ARMC6: variants seen among roughly 807,000 people sequenced by gnomAD.
ARMC6 encodes the protein armadillo repeat-containing protein 6.
In ARMC6, 43 loss-of-function variants were observed where a neutral mutation model predicts 49.2. That is an observed-to-expected ratio of 0.87 (90% CI 0.69 to 1.13). The LOEUF is 1.13. Among genes scored for constraint, ARMC6 ranks in the 50% most tolerant of loss-of-function variants. ARMC6 has a pLI of 0.00. For synonymous variants in ARMC6, 262 were observed against 289.6 expected (o/e 0.90, Z 0.97); for missense variants, 627 against 682.0 (o/e 0.92, Z 0.90).
chr19:19,037,487 C>T, intron 2 of ARMC6: 1 of 419,244 alleles, frequency 2.4e-6, no homozygotes, highest in Non-Finnish European at 4.5e-6. Context: ...CCACCTCAGC[C>T]TCCCAAATAG....
chr19:19,042,989 G>T (rs1231618821), intron 3 of ARMC6, 112 bp downstream of exon 3: 3 of 1,309,020 alleles, frequency 2.3e-6, no homozygotes, highest in Non-Finnish European at 3.0e-6. Context: ...ATAGAAACCA[G>T]GTGCCATTGG....
At chr19:19,043,946 A>T in intron 3 of ARMC6, 46 bp from the exon 4 acceptor site, 1 of 1,569,938 alleles carries the variant, frequency 6.4e-7, no homozygotes, top group Non-Finnish European at 8.8e-7. Context: ...GACAGCTGTC[A>T]CTTTCTTTCT....
At position 19,051,771 on chromosome 19, in the gene ARMC6, C is replaced by G. The variant is rs1263346324; in HGVS notation, c.429C>G (p.Ala143=). 3 of 1,614,088 alleles carry G rather than the reference C, an allele frequency of 1.9e-6. No homozygotes were observed. The highest frequency in any genetic ancestry group is 1.7e-6 in the Non-Finnish European group (2 of 1,180,040). ...QKGAYPIIFT[A]WKLATAGDQG... ...GGGCCTACCCCATCATCTTCACTGC[C>G]TGGAAGCTGGCCACTGCAGGTGACC... The change falls in exon 5 of 9, where the codon GCC becomes GCG. Residue 143 remains alanine, a synonymous_variant. Coordinates refer to ENST00000535612, the MANE Select transcript of ARMC6 (RefSeq NM_001199196.2).
chr19:19,052,198 A>G lies in ARMC6; in HGVS notation c.853+3A>G, dbSNP rs745985627. 48 of 1,588,330 alleles carry G rather than the reference A, an allele frequency of 3.0e-5. No individual in the cohort carries two copies. Among genetic ancestry groups the G allele is most frequent in the Admixed American group, 1.5e-4 (9 of 58,510 alleles). On this transcript the variant is annotated splice_donor_region_variant and intron_variant, in intron 5 of 8. Coordinates refer to ENST00000535612, the MANE Select transcript of ARMC6 (RefSeq NM_001199196.2). ...GGTGCTCATCGAAGCCACCAAAGGT[A>G]AGAGCTGGGGGCCGACACGAGCCAG...
At chr19:19,037,676 A>G in intron 2 of ARMC6, 1 of 1,154,358 alleles carries the variant, frequency 8.7e-7, no homozygotes, top group Non-Finnish European at 1.1e-6. Flanking sequence ...ATAATTCCAG[A>G]ACGGAAACTT....
At position 19,043,978 on chromosome 19, in the gene ARMC6, C is replaced by T. The variant is rs200440413; in HGVS notation, c.197-14C>T. 4.4e-4 allele frequency: 709 copies of T among 1,613,212 alleles called. No individual in the cohort carries two copies. The highest frequency in any genetic ancestry group is 5.8e-4 in the Non-Finnish European group (683 of 1,179,258). On this transcript the variant is annotated splice_polypyrimidine_tract_variant and intron_variant, in intron 3 of 8. Coordinates refer to ENST00000535612, the MANE Select transcript of ARMC6 (RefSeq NM_001199196.2). ...TTCTGACCCCTGTGTGCTTGCTTCC[C>T]CCACCCCCAACAGGGGTTGATCTGA...
chr19:19,052,101 C>T lies in ARMC6; in HGVS notation c.759C>T (p.Asp253=), dbSNP rs762938143. The T allele has an allele frequency of 9.3e-6, 15 of 1,613,814 alleles. No homozygotes were observed. Among genetic ancestry groups the T allele is most frequent in the African/African-American group, 4.0e-5 (3 of 74,942 alleles). Residue 253 remains aspartate, a synonymous_variant, in exon 5 of 9, where the codon GAC becomes GAT. Transcript: ENST00000535612. ...CWALRVMTFD[D]DIRVPFGHAH... is the part of the protein sequence containing the mutation. ...CCCTGCGTGTCATGACCTTCGATGA[C>T]GACATCCGTGTGCCCTTTGGCCATG...
At chr19:19,034,728 A>G (rs543192776) in intron 2 of ARMC6, among the ~76,000 whole-genome samples, 93 of 150,418 alleles carry the variant, frequency 6.2e-4, no homozygotes, top group African/African-American at 2.2e-3. Context: ...AGCTGGGACT[A>G]CAGGTGCGCA....
chr19:19,053,768 CTA>C (rs2059519559), intron 5 of ARMC6, among the ~76,000 whole-genome samples: 1 of 151,998 alleles, frequency 6.6e-6, no homozygotes, highest in South Asian at 2.1e-4. Flanking sequence ...ATGTGTCCCT[CTA>C]TGGTTCTGGA....
intron 2 of ARMC6, 30 bp from the exon 3 acceptor site, chr19:19,042,681 G>A (rs1193596708): frequency 6.2e-7 from 1 of 1,608,616 alleles, no homozygotes; most frequent in Non-Finnish European, 8.5e-7. Flanking sequence ...TCACCCTTGA[G>A]GTAGCTCTCT....
At chr19:19,038,927 A>ACACAT (rs397716695) in intron 2 of ARMC6, among the ~76,000 whole-genome samples, 3 of 145,480 alleles carry the variant, frequency 2.1e-5, no homozygotes, top group Non-Finnish European at 3.0e-5. Context: ...ACACACACAC[A>ACACAT]TTTTTTTTAA....
chr19:19,044,102 T>C (rs1256059318), intron 4 of ARMC6, 28 bp downstream of exon 4: 1 of 1,597,774 alleles, frequency 6.3e-7, no homozygotes, highest in African/African-American at 1.3e-5. Context: ...ACACAGCAGG[T>C]CCTGCGTCAC....
At chr19:19,040,654 CT>C (rs34338156) in intron 2 of ARMC6, 20,048 of 271,692 alleles carry the variant, frequency 0.074, no homozygotes, top group South Asian at 0.13. Flanking sequence ...CAGAGTTTGA[CT>C]TTTTTTTTTT....
intron 2 of ARMC6, among the ~76,000 whole-genome samples, chr19:19,037,383 T>G (rs1267865854): frequency 6.7e-6 from 1 of 150,290 alleles, no homozygotes; most frequent in South Asian, 2.1e-4. Context: ...TTTTTCCTTT[T>G]TTTTTTTTTT....
intron 2 of ARMC6, among the ~76,000 whole-genome samples, chr19:19,038,822 G>A (rs563770230): frequency 1.9e-3 from 285 of 152,112 alleles, no homozygotes; most frequent in African/African-American, 6.5e-3. Context: ...CTCCCAAAGT[G>A]CTGGTATTAC....
chr19:19,033,974 G>C, intron 1 of ARMC6, 44 bp downstream of exon 1: 1 of 537,542 alleles, frequency 1.9e-6, no homozygotes, highest in Non-Finnish European at 3.3e-6. Context: ...GCGGAGTGGG[G>C]AGTGGGGGTG....
At chr19:19,056,600 G>GA (rs1241312241) in intron 8 of ARMC6, among the ~76,000 whole-genome samples, 1 of 152,176 alleles carries the variant, frequency 6.6e-6, no homozygotes, top group Non-Finnish European at 1.5e-5. Flanking sequence ...GATCTGGGGA[G>GA]AAAGAAGTTG....
In ARMC6 at chr19:19,037,568, C is replaced by T. The variant is rs145236447; in HGVS notation, c.29+3330C>T. 4.7e-3 allele frequency: 4,590 copies of T among 967,724 alleles called. 17 individuals carry two copies. The highest frequency in any genetic ancestry group is 5.8e-3 in the Non-Finnish European group (4,021 of 699,058). The allele number at this position is 967,724 out of a possible 1,614,324, so 59.9% of individuals were successfully genotyped here. ...TTTTTATAGAGATGGAGTTTCGCCA[C>T]GTGTCCAGGCTGGTCTCAAACTCCT... On this transcript the variant is annotated intron_variant, in intron 2 of 8. Coordinates refer to ENST00000535612, the MANE Select transcript of ARMC6 (RefSeq NM_001199196.2).
Position 19,039,936 on chromosome 19 carries a change from G to GC in ARMC6, c.30-2774dup, listed in dbSNP as rs201942177. Among the ~76,000 whole-genome samples, 903 of 152,212 alleles carry GC rather than the reference G, an allele frequency of 5.9e-3. 8 individuals carry two copies. Among genetic ancestry groups the GC allele is most frequent in the African/African-American group, 0.019 (788 of 41,530 alleles). On this transcript the variant is annotated intron_variant, in intron 2 of 8. Coordinates refer to ENST00000535612, the MANE Select transcript of ARMC6 (RefSeq NM_001199196.2). ...GGTTAAGGTGTCAGAGCTGTGCTGTGCAATACCATAGTCACTCGTCACACA... is the reference window on the plus strand; with the variant it reads ...GGTTAAGGTGTCAGAGCTGTGCTGTGCCAATACCATAGTCACTCGTCACACA...
Sources: gnomAD v4.1 joint callset for allele counts (sites outside exome capture counted in the v4.1 genomes callset) on GRCh38, gnomAD v4.1.1 for gene constraint, MANE v1.5 for transcripts, NCBI Gene and HGNC (gene_info 2026-07-23, HGNC 2026-07-21) for gene names.